The following CEP128 variants were observed in gnomAD, a reference collection of about 807,000 sequenced individuals.
CEP128 encodes the protein centrosomal protein 128kDa.
Under a neutral mutation model 156.7 loss-of-function variants are expected in CEP128, and 132 were observed. The ratio of observed to expected loss-of-function variants is 0.84; its 90% CI spans 0.73 to 0.97. The LOEUF (loss-of-function observed/expected upper bound fraction) is 0.97, where lower values mean the gene tolerates loss of function less well. CEP128 is among the 50% of genes least tolerant of loss of function. The pLI, the probability that CEP128 is intolerant of heterozygous loss-of-function variation, is 0.00. For synonymous variants in CEP128, 469 were observed against 448.9 expected (o/e 1.04, Z -0.57); for missense variants, 1,252 against 1,281.9 (o/e 0.98, Z 0.36).
chr14:80,609,353 C>T (rs991607569), intron 19 of CEP128, among the ~76,000 whole-genome samples: 1 of 151,948 alleles, frequency 6.6e-6, no homozygotes, highest in Non-Finnish European at 1.5e-5. Context: ...TGACTTTGAA[C>T]CTTTTAAAAC....
intron 14 of CEP128, among the ~76,000 whole-genome samples, chr14:80,787,670 C>A (rs186735753): frequency 6.6e-6 from 1 of 151,986 alleles, no homozygotes; most frequent in African/African-American, 2.4e-5. Context: ...AGGGACTGAG[C>A]GAGGGTAGGG....
chr14:80,924,939 A>G (rs1370419579), intron 2 of CEP128, among the ~76,000 whole-genome samples: 4 of 152,168 alleles, frequency 2.6e-5, no homozygotes, highest in Non-Finnish European at 5.9e-5. Flanking sequence ...GATGAAGTAT[A>G]GCAGGGATGA....
intron 23 of CEP128, among the ~76,000 whole-genome samples, chr14:80,513,538 T>A (rs936840656): frequency 6.6e-6 from 1 of 152,294 alleles, no homozygotes; most frequent in East Asian, 1.9e-4. Context: ...TGTTATTATT[T>A]CTTTGAAAGA....
At chr14:80,666,315 G>A (rs550010274) in intron 19 of CEP128, among the ~76,000 whole-genome samples, 24 of 152,352 alleles carry the variant, frequency 1.6e-4, no homozygotes. Context: ...GACAAAGCCT[G>A]AAGCTGCCTT....
intron 18 of CEP128, among the ~76,000 whole-genome samples, chr14:80,750,553 C>A (rs933791959): frequency 6.6e-6 from 1 of 152,198 alleles, no homozygotes; most frequent in Non-Finnish European, 1.5e-5. Flanking sequence ...CTCCAGTAAT[C>A]TCTTCTAACC....
At chr14:80,784,813 C>T (rs1901308586) in intron 15 of CEP128, 82 bp downstream of exon 15, 2 of 1,160,200 alleles carry the variant, frequency 1.7e-6, no homozygotes, top group Non-Finnish European at 2.5e-6. Context: ...ACAGAATGAT[C>T]TCTAAAAGTT....
chr14:80,709,978 A>G (rs1897343606), intron 19 of CEP128, among the ~76,000 whole-genome samples: 1 of 150,506 alleles, frequency 6.6e-6, no homozygotes, highest in African/African-American at 2.5e-5. Context: ...AGAGTAGCCA[A>G]AAAAGGAATT....
chr14:80,673,645 C>CA (rs4016509), intron 19 of CEP128, among the ~76,000 whole-genome samples: 1,086 of 43,918 alleles, frequency 0.025, 199 homozygotes, highest in Middle Eastern at 0.047. Flanking sequence ...GACTCCGTCT[C>CA]AAAAAAAAAA....
chr14:80,719,927 G>A (rs1294906732), intron 19 of CEP128, among the ~76,000 whole-genome samples: 1 of 152,142 alleles, frequency 6.6e-6, no homozygotes, highest in East Asian at 1.9e-4. Context: ...ATAAATCCAT[G>A]AGCATATATA....
rs111992078 is a variant in CEP128 at position 80,954,370 on chromosome 14, G to A, written c.-172+3808C>T. Among the ~76,000 whole-genome samples the A allele has an allele frequency of 2.2e-3, 331 of 152,194 alleles. 1 individual carries two copies. Among genetic ancestry groups the A allele is most frequent in the African/African-American group, 7.5e-3 (310 of 41,506 alleles). ...TTCCAATGTGGAGGTATCAGAGTTT[G>A]TTTATCCATTATCTAGTCGCGAGAC... On this transcript the variant is annotated intron_variant, in intron 2 of 7. Coordinates refer to the CEP128 transcript ENST00000555529.
chr14:80,734,178 T>C (rs1898412736), intron 19 of CEP128, among the ~76,000 whole-genome samples: 1 of 152,196 alleles, frequency 6.6e-6, no homozygotes. Flanking sequence ...GAGCATAATC[T>C]ATACTGCTAC....
chr14:80,915,057 C>G (rs1056511122), intron 3 of CEP128, among the ~76,000 whole-genome samples: 2 of 152,118 alleles, frequency 1.3e-5, no homozygotes, highest in African/African-American at 4.8e-5. Flanking sequence ...TACTTACTTA[C>G]TTACTTATTG....
chr14:80,885,570 G>A (rs1190470724), intron 8 of CEP128, among the ~76,000 whole-genome samples: 1 of 152,104 alleles, frequency 6.6e-6, no homozygotes, highest in Non-Finnish European at 1.5e-5. Context: ...CAAACAGAAA[G>A]CAGTAACATC....
At chr14:80,726,632 C>A (rs1340628565) in intron 19 of CEP128, among the ~76,000 whole-genome samples, 1 of 152,174 alleles carries the variant, frequency 6.6e-6, no homozygotes, top group Non-Finnish European at 1.5e-5. Flanking sequence ...TTTGGCTTGC[C>A]TATGGGTTGC....
intron 2 of CEP128, among the ~76,000 whole-genome samples, chr14:80,938,610 A>G (rs1308186042): frequency 1.3e-5 from 2 of 152,152 alleles, no homozygotes; most frequent in African/African-American, 2.4e-5. Flanking sequence ...CCTTTTATCT[A>G]TCGAGCACAA....
chr14:80,743,074 C>G lies in CEP128; in HGVS notation c.2806+1G>C. On this transcript the variant is annotated splice_donor_variant, in intron 19 of 24. Coordinates refer to ENST00000555265, the MANE Select transcript of CEP128 (RefSeq NM_152446.5). LOFTEE classifies it high-confidence loss of function. ...AAAATGAAAGAACAACTAACACACA[C>G]CTCTCTTCTCACGATGTATTTCATC... The G allele has an allele frequency of 6.2e-7, 1 of 1,612,644 alleles. No homozygotes were observed. The highest frequency in any genetic ancestry group is 1.1e-5 in the South Asian group (1 of 91,054).
chr14:80,665,090 A>G (rs1006260160), intron 19 of CEP128, among the ~76,000 whole-genome samples: 2 of 152,228 alleles, frequency 1.3e-5, no homozygotes, highest in Non-Finnish European at 2.9e-5. Flanking sequence ...GCTGATTCTA[A>G]GAATTATTTA....
chr14:80,537,065 AG>A (rs1314057416), intron 21 of CEP128, among the ~76,000 whole-genome samples: 1 of 152,074 alleles, frequency 6.6e-6, no homozygotes, highest in African/African-American at 2.4e-5. Flanking sequence ...CAAAAGTGGT[AG>A]ATCTCCTTTA....
intron 24 of CEP128, among the ~76,000 whole-genome samples, chr14:80,501,904 G>A (rs1201480173): frequency 1.3e-5 from 2 of 152,008 alleles, no homozygotes; most frequent in Non-Finnish European, 2.9e-5. Flanking sequence ...GTCCACAAGT[G>A]TGCCTGTCAG....
Sources: allele counts gnomAD v4.1 joint callset (sites outside exome capture counted in the v4.1 genomes callset), GRCh38; gene constraint gnomAD v4.1.1; transcripts MANE v1.5; gene names NCBI Gene and HGNC (gene_info 2026-07-23, HGNC 2026-07-21).